The following TAFA1 variants were observed in gnomAD, a reference collection of about 807,000 sequenced individuals.
TAFA1 encodes the protein TAFA chemokine like family member 1, also known as chemokine-like protein TAFA-1.
Under a neutral mutation model 18.5 loss-of-function variants are expected in TAFA1, and 4 were observed. The ratio of observed to expected loss-of-function variants is 0.22; its 90% CI spans 0.11 to 0.49. The LOEUF (loss-of-function observed/expected upper bound fraction) is 0.49. TAFA1 is among the 20% of genes least tolerant of loss of function. The pLI, the probability that TAFA1 is intolerant of heterozygous loss-of-function variation, is 0.98. For synonymous variants in TAFA1, 56 were observed against 55.2 expected (o/e 1.01, Z -0.06); for missense variants, 147 against 169.0 (o/e 0.87, Z 0.72).
intron 2 of TAFA1, among the ~76,000 whole-genome samples, chr3:68,086,983 C>T (rs559656479): frequency 7.2e-5 from 11 of 152,272 alleles, no homozygotes; most frequent in African/African-American, 1.7e-4. Flanking sequence ...CCCTGCAAAT[C>T]CCAAGACAAT....
Position 68,119,365 on chromosome 3 carries a change from T to C in TAFA1, c.118+112621T>C, listed in dbSNP as rs941030665. Among the ~76,000 whole-genome samples, 3 of 152,260 alleles carry C rather than the reference T, an allele frequency of 2.0e-5. No individual in the cohort carries two copies. In the South Asian group the frequency reaches 6.2e-4, roughly 32 times the overall value. On this transcript the variant is annotated intron_variant, in intron 2 of 4. Coordinates refer to ENST00000478136, the MANE Select transcript of TAFA1 (RefSeq NM_213609.4). ...TCCACTCTTGATTTTTTTCCTTTGG[T>C]GCATATAAGTTTTTAATTTTGATGT...
intron 2 of TAFA1, among the ~76,000 whole-genome samples, chr3:68,262,678 A>G (rs2067459437): frequency 6.6e-6 from 1 of 151,918 alleles, no homozygotes; most frequent in African/African-American, 2.4e-5. Flanking sequence ...TATCCAATTC[A>G]CCACTGATGG....
At chr3:68,212,883 C>G (rs2066612800) in intron 2 of TAFA1, among the ~76,000 whole-genome samples, 1 of 152,022 alleles carries the variant, frequency 6.6e-6, no homozygotes, top group Non-Finnish European at 1.5e-5. Context: ...GAATCACACA[C>G]TAAGCTGCTG....
At chr3:68,120,311 G>A (rs1375853238) in intron 2 of TAFA1, among the ~76,000 whole-genome samples, 12 of 149,602 alleles carry the variant, frequency 8.0e-5, no homozygotes, top group Non-Finnish European at 1.8e-4. Context: ...GTGCACTGGT[G>A]CAATCTCAGT....
At chr3:68,332,107 C>T (rs1218712164) in intron 2 of TAFA1, among the ~76,000 whole-genome samples, 1 of 151,656 alleles carries the variant, frequency 6.6e-6, no homozygotes, top group Non-Finnish European at 1.5e-5. Context: ...TCGTGATCCG[C>T]CCGCCTCGGC....
At chr3:68,174,665 T>G (rs890170789) in intron 2 of TAFA1, among the ~76,000 whole-genome samples, 1 of 152,106 alleles carries the variant, frequency 6.6e-6, no homozygotes, top group Non-Finnish European at 1.5e-5. Context: ...GTGACTTGGG[T>G]GTTGTTAAAG....
At chr3:68,255,068 C>T (rs1439374518) in intron 2 of TAFA1, among the ~76,000 whole-genome samples, 3 of 152,010 alleles carry the variant, frequency 2.0e-5, no homozygotes, top group Admixed American at 6.6e-5. Flanking sequence ...TGAAGAGTGG[C>T]CATTTTGCCT....
At chr3:67,996,614 C>T in the TAFA1 span, among the ~76,000 whole-genome samples, 7 of 152,118 alleles carry the variant, frequency 4.6e-5, no homozygotes, top group South Asian at 1.5e-3. Context: ...GCCTGGCCAA[C>T]ATGATGAAAC....
intron 2 of TAFA1, among the ~76,000 whole-genome samples, chr3:68,177,253 G>A (rs1188427457): frequency 1.3e-5 from 2 of 152,132 alleles, no homozygotes; most frequent in Non-Finnish European, 2.9e-5. Flanking sequence ...ATGCTCCCTC[G>A]AATTTGCTCT....
chr3:68,444,619 T>C (rs899880374), intron 3 of TAFA1, among the ~76,000 whole-genome samples: 6 of 152,116 alleles, frequency 3.9e-5, no homozygotes, highest in African/African-American at 1.4e-4. Flanking sequence ...ATGCTGCTGC[T>C]AGCTCTTCTT....
rs536778541 is a variant in TAFA1 at position 68,267,709 on chromosome 3, A to G, written c.119-149571A>G. Among the ~76,000 whole-genome samples the G allele has an allele frequency of 3.3e-5, 5 of 152,266 alleles. No homozygotes were observed. The East Asian group carries it at 9.6e-4, about 29-fold the overall frequency. On this transcript the variant is annotated intron_variant, in intron 2 of 4. Transcript: ENST00000478136. ...TTAATATTTAAGGGAATGAAAAGAT[A>G]TAAGCCTTATATGGATCTATGCATG...
intron 2 of TAFA1, among the ~76,000 whole-genome samples, chr3:68,184,834 T>C (rs1010561854): frequency 2.6e-5 from 4 of 152,150 alleles, no homozygotes; most frequent in African/African-American, 7.2e-5. Context: ...GTTAAAAATG[T>C]TCACTCTTCA....
At chr3:68,179,479 T>G (rs73834875) in intron 2 of TAFA1, among the ~76,000 whole-genome samples, 6,902 of 152,312 alleles carry the variant, frequency 0.045, 185 homozygotes, top group East Asian at 0.09. Flanking sequence ...TTAACATTGG[T>G]CTGCATTTTT....
At chr3:68,142,606 T>C (rs1044407080) in intron 2 of TAFA1, among the ~76,000 whole-genome samples, 1 of 152,216 alleles carries the variant, frequency 6.6e-6, no homozygotes, top group African/African-American at 2.4e-5. Flanking sequence ...AATTAAAGTC[T>C]AAAGGAAGTT....
chr3:68,520,796 A>AT (rs5849855), intron 3 of TAFA1, among the ~76,000 whole-genome samples: 120,048 of 152,028 alleles, frequency 0.79, 47,499 homozygotes, highest in East Asian at 0.89. Context: ...AGTCAACTAA[A>AT]TTTTTAATAT....
chr3:68,128,755 T>C (rs928959170), intron 2 of TAFA1, among the ~76,000 whole-genome samples: 2 of 152,234 alleles, frequency 1.3e-5, no homozygotes, highest in African/African-American at 2.4e-5. Context: ...TATGTCTCAC[T>C]GGGATTCCAA....
At chr3:68,171,575 A>G (rs1001997883) in intron 2 of TAFA1, among the ~76,000 whole-genome samples, 1 of 152,210 alleles carries the variant, frequency 6.6e-6, no homozygotes, top group Non-Finnish European at 1.5e-5. Context: ...TGGCCCATAC[A>G]CAGGAAAAGA....
chr3:68,279,128 A>C (rs2067850669), intron 2 of TAFA1, among the ~76,000 whole-genome samples: 1 of 152,190 alleles, frequency 6.6e-6, no homozygotes, highest in Admixed American at 6.5e-5. Flanking sequence ...CTAACCTAGA[A>C]CCAAGGCCTT....
intron 2 of TAFA1, among the ~76,000 whole-genome samples, chr3:68,409,111 C>G (rs1383305581): frequency 6.6e-6 from 1 of 152,178 alleles, no homozygotes; most frequent in East Asian, 1.9e-4. Flanking sequence ...AAGGCCACCA[C>G]AGCAATACCC....
Sources: allele counts gnomAD v4.1 joint callset (sites outside exome capture counted in the v4.1 genomes callset), GRCh38; gene constraint gnomAD v4.1.1; transcripts MANE v1.5; gene names NCBI Gene and HGNC (gene_info 2026-07-23, HGNC 2026-07-21).